GRID2: variants seen among roughly 807,000 people sequenced by gnomAD.
GRID2 encodes the protein glutamate receptor ionotropic, delta-2.
GRID2 carries 33 observed loss-of-function variants against 114.8 expected under a neutral mutation model. The ratio of observed to expected loss-of-function variants is 0.29; its 90% confidence interval spans 0.22 to 0.38. The LOEUF (loss-of-function observed/expected upper bound fraction) is 0.38. GRID2 is among the 10% of genes least tolerant of loss of function. The pLI, the probability that GRID2 is intolerant of heterozygous loss-of-function variation, is 1.00. For synonymous variants in GRID2, 505 were observed against 449.9 expected, an observed-to-expected ratio of 1.12 and a Z score of -1.55; for missense variants, 1,184 against 1,257.7, an observed-to-expected ratio of 0.94 and a Z score of 0.89.
chr4:92,791,541 C>T (rs1175740928), intron 2 of GRID2, among the ~76,000 whole-genome samples: 1 of 151,764 alleles, frequency 6.6e-6, no homozygotes, highest in Non-Finnish European at 1.5e-5. Context: ...TGCTAACTTC[C>T]ATGTGTGCTT....
intron 8 of GRID2, among the ~76,000 whole-genome samples, chr4:93,255,265 C>G (rs919912786): frequency 1.1e-4 from 17 of 152,024 alleles, no homozygotes; most frequent in Non-Finnish European, 2.2e-4. Flanking sequence ...ACATCTCTAT[C>G]TTACATATAT....
intron 8 of GRID2, among the ~76,000 whole-genome samples, chr4:93,371,816 T>C (rs1483415066): frequency 2.0e-5 from 3 of 149,592 alleles, no homozygotes; most frequent in Non-Finnish European, 4.4e-5. Context: ...GGCATGATCT[T>C]GGCTCACTGC....
chr4:93,070,002 A>C (rs548615232), intron 2 of GRID2, among the ~76,000 whole-genome samples: 8 of 152,106 alleles, frequency 5.3e-5, no homozygotes, highest in Non-Finnish European at 1.0e-4. Context: ...ATGGTTAGAA[A>C]GATTTTTCTG....
intron 8 of GRID2, among the ~76,000 whole-genome samples, chr4:93,342,317 TC>T (rs1288274264): frequency 6.6e-6 from 1 of 152,178 alleles, no homozygotes; most frequent in African/African-American, 2.4e-5. Flanking sequence ...TGCCAACTTT[TC>T]CTGTCCCTGC....
Position 93,162,297 on chromosome 4 carries a change from A to G in GRID2, c.736-45107A>G, listed in dbSNP as rs1444895147. Among the ~76,000 whole-genome samples the G allele has an allele frequency of 2.6e-5, 4 of 152,022 alleles. No individual in the cohort carries two copies. In the East Asian group the frequency reaches 7.7e-4, roughly 29 times the overall value. On this transcript the variant is annotated intron_variant, in intron 4 of 15. Transcript: ENST00000282020. ...TGCTTAATTAAATTGTATATATTCA[A>G]ATACATTTATTGAAGAATTAACGCT...
At chr4:92,401,368 A>G (rs1444898683) in intron 1 of GRID2, among the ~76,000 whole-genome samples, 2 of 152,204 alleles carry the variant, frequency 1.3e-5, no homozygotes, top group African/African-American at 4.8e-5. Context: ...AGATACCTAT[A>G]GTGAACCAAG....
At chr4:92,419,754 AC>A (rs1731802980) in intron 1 of GRID2, among the ~76,000 whole-genome samples, 1 of 152,122 alleles carries the variant, frequency 6.6e-6, no homozygotes, top group South Asian at 2.1e-4. Flanking sequence ...ATCTCTAAGA[AC>A]TAACACTTAT....
At chr4:93,389,191 T>C (rs1304666196) in intron 8 of GRID2, among the ~76,000 whole-genome samples, 3 of 152,154 alleles carry the variant, frequency 2.0e-5, no homozygotes, top group Non-Finnish European at 4.4e-5. Context: ...GGAAAGACAG[T>C]GAGAATTTAA....
At chr4:93,630,683 A>G (rs547563783) in intron 14 of GRID2, among the ~76,000 whole-genome samples, 2 of 152,336 alleles carry the variant, frequency 1.3e-5, no homozygotes, top group East Asian at 3.9e-4. Flanking sequence ...TGACACATAT[A>G]TAAACAGTTG....
chr4:93,668,533 A>G (rs1319122917), intron 14 of GRID2, among the ~76,000 whole-genome samples: 2 of 152,080 alleles, frequency 1.3e-5, no homozygotes, highest in Non-Finnish European at 2.9e-5. Context: ...GTATATGTGT[A>G]TATGCTAGGG....
At chr4:92,543,481 A>G (rs937845202) in intron 1 of GRID2, among the ~76,000 whole-genome samples, 1 of 152,190 alleles carries the variant, frequency 6.6e-6, no homozygotes, top group African/African-American at 2.4e-5. Flanking sequence ...TGCACATCCT[A>G]TTAGCCTTAA....
chr4:92,457,108 A>C (rs1721253729), intron 1 of GRID2, among the ~76,000 whole-genome samples: 1 of 152,020 alleles, frequency 6.6e-6, no homozygotes. Context: ...CCTTGAGGTC[A>C]CTTTTTTGGT....
chr4:93,621,114 AT>A (rs1471392974), intron 13 of GRID2, among the ~76,000 whole-genome samples: 1 of 152,154 alleles, frequency 6.6e-6, no homozygotes, highest in East Asian at 1.9e-4. Context: ...TTAATGTGTA[AT>A]GATTGTTAGT....
At chr4:92,793,154 G>T (rs1560595219) in intron 2 of GRID2, among the ~76,000 whole-genome samples, 1 of 151,654 alleles carries the variant, frequency 6.6e-6, no homozygotes, top group South Asian at 2.1e-4. Flanking sequence ...AGTTTTCTCC[G>T]TTTTGAATCT....
chr4:93,789,719 T>C (rs115936097), intron 1 of GRID2, among the ~76,000 whole-genome samples: 3 of 152,244 alleles, frequency 2.0e-5, no homozygotes, highest in African/African-American at 7.2e-5. Flanking sequence ...AGTTTATGAG[T>C]AGTTTCGGAG....
At chr4:92,583,903 A>G (rs574065481) in intron 1 of GRID2, among the ~76,000 whole-genome samples, 1 of 138,566 alleles carries the variant, frequency 7.2e-6, no homozygotes, top group East Asian at 2.1e-4. Flanking sequence ...ATATGTGTAT[A>G]TATTTATATA....
intron 2 of GRID2, among the ~76,000 whole-genome samples, chr4:92,739,321 A>C (rs1375359104): frequency 6.6e-6 from 1 of 152,172 alleles, no homozygotes; most frequent in Non-Finnish European, 1.5e-5. Context: ...CAGACTTTTA[A>C]AAAGTTTTCC....
intron 2 of GRID2, among the ~76,000 whole-genome samples, chr4:93,082,326 A>C (rs2149318964): frequency 6.6e-6 from 1 of 152,310 alleles, no homozygotes; most frequent in East Asian, 1.9e-4. Flanking sequence ...ATACAACTAC[A>C]AGACTCCATT....
At chr4:93,398,602 T>G (rs924795400) in intron 9 of GRID2, among the ~76,000 whole-genome samples, 1 of 151,988 alleles carries the variant, frequency 6.6e-6, no homozygotes, top group East Asian at 2.0e-4. Context: ...ATTGCTATTT[T>G]GTTCATGAAA....
Sources: gnomAD v4.1 joint callset for allele counts (sites outside exome capture counted in the v4.1 genomes callset) on GRCh38, gnomAD v4.1.1 for gene constraint, MANE v1.5 for transcripts, NCBI Gene and HGNC (gene_info 2026-07-23, HGNC 2026-07-21) for gene names.